ROBO2: variants seen among roughly 807,000 people sequenced by gnomAD.
The protein encoded by ROBO2 is roundabout homolog 2.
Under a neutral mutation model 160.8 loss-of-function variants are expected in ROBO2, and 53 were observed. The observed-to-expected ratio is 0.33, with a 90% CI of 0.26 to 0.41. The LOEUF (loss-of-function observed/expected upper bound fraction) is 0.41. Among genes scored for constraint, ROBO2 ranks in the 10% least tolerant of loss-of-function variants. ROBO2 has a pLI of 1.00. For synonymous variants in ROBO2, 664 were observed against 611.7 expected (o/e 1.09, Z -1.26); for missense variants, 1,577 against 1,722.4 (o/e 0.92, Z 1.49).
chr3:77,525,238 GTTT>G (rs144170880), intron 6 of ROBO2, among the ~76,000 whole-genome samples: 69,183 of 134,086 alleles, frequency 0.52, 17,020 homozygotes, highest in Middle Eastern at 0.62. Context: ...TCCACCTGCT[GTTT>G]TTTTTTTTTT....
At chr3:76,772,381 T>C (rs2061960015) in intron 2 of ROBO2, among the ~76,000 whole-genome samples, 1 of 150,342 alleles carries the variant, frequency 6.7e-6, no homozygotes, top group South Asian at 2.1e-4. Flanking sequence ...TTTATATGTA[T>C]ATAAATATAT....
chr3:76,043,762 A>G (rs2107778250), intron 2 of ROBO2, among the ~76,000 whole-genome samples: 1 of 151,994 alleles, frequency 6.6e-6, no homozygotes, highest in South Asian at 2.1e-4. Flanking sequence ...TTAATCCACA[A>G]TTATATTTTA....
At chr3:76,684,980 CAAA>C (rs5850283) in intron 2 of ROBO2, among the ~76,000 whole-genome samples, 2 of 151,086 alleles carry the variant, frequency 1.3e-5, no homozygotes, top group Admixed American at 1.3e-4. Flanking sequence ...AGTACAAATG[CAAA>C]AGTCTTTCCA....
chr3:76,362,398 A>T (rs904451833), intron 2 of ROBO2, among the ~76,000 whole-genome samples: 2 of 151,936 alleles, frequency 1.3e-5, no homozygotes, highest in Non-Finnish European at 2.9e-5. Flanking sequence ...TAGACACCTG[A>T]TTTTATTGAT....
At chr3:76,743,040 T>C (rs7618576) in intron 2 of ROBO2, among the ~76,000 whole-genome samples, 129,092 of 152,158 alleles carry the variant, frequency 0.85, 54,904 homozygotes, top group African/African-American at 0.89. Context: ...CAGACAGGCT[T>C]TCTGACATCA....
intron 2 of ROBO2, among the ~76,000 whole-genome samples, chr3:76,996,923 G>T (rs2061047185): frequency 6.6e-6 from 1 of 152,054 alleles, no homozygotes; most frequent in African/African-American, 2.4e-5. Context: ...ATATGTGTCT[G>T]CCAGTTTGTC....
intron 5 of ROBO2, among the ~76,000 whole-genome samples, chr3:77,507,303 A>T (rs1485078604): frequency 6.6e-6 from 1 of 152,186 alleles, no homozygotes; most frequent in African/African-American, 2.4e-5. Context: ...CATCCCTCTG[A>T]TAATGTAGTC....
intron 2 of ROBO2, among the ~76,000 whole-genome samples, chr3:76,513,505 A>T (rs2081202468): frequency 6.6e-6 from 1 of 152,120 alleles, no homozygotes; most frequent in Non-Finnish European, 1.5e-5. Context: ...ACAGGCTCAC[A>T]CCACCACGCC....
Position 76,728,259 on chromosome 3 carries a change from A to G in ROBO2, c.110-369755A>G, listed in dbSNP as rs139671525. ...CCCCTTGTTTTCCCCTACTAGTGTA[A>G]TTATTGGGTTGTGTTGTTACACCAA... is the stretch of plus-strand genomic sequence containing the variant. On this transcript the variant is annotated intron_variant, in intron 2 of 26. Transcript: ENST00000487694. Among the ~76,000 whole-genome samples, 678 of 152,280 alleles carry G rather than the reference A, an allele frequency of 4.5e-3. 5 individuals carry two copies. Among genetic ancestry groups the G allele is most frequent in the African/African-American group, 0.016 (649 of 41,554 alleles).
chr3:76,060,855 A>C (rs1450227174), intron 2 of ROBO2, among the ~76,000 whole-genome samples: 2 of 152,170 alleles, frequency 1.3e-5, no homozygotes, highest in African/African-American at 2.4e-5. Flanking sequence ...AGAATAAGAA[A>C]TCTCAAACTT....
intron 2 of ROBO2, among the ~76,000 whole-genome samples, chr3:76,261,828 A>G (rs1206184834): frequency 2.0e-5 from 3 of 152,134 alleles, no homozygotes; most frequent in Non-Finnish European, 4.4e-5. Flanking sequence ...TTTATATTTC[A>G]TAGTAGGTAG....
intron 2 of ROBO2, among the ~76,000 whole-genome samples, chr3:76,044,695 A>G (rs879849242): frequency 2.0e-5 from 3 of 152,032 alleles, no homozygotes; most frequent in Non-Finnish European, 4.4e-5. Context: ...AAGGTGACAG[A>G]AAAAACTCAT....
chr3:77,644,836 A>G (rs772629775), exon 25 of ROBO2: 1 of 1,614,126 alleles, frequency 6.2e-7, no homozygotes, highest in South Asian at 1.1e-5. Flanking sequence ...CACCAGCGCA[A>G]TGCCAGCGAC....
At chr3:76,256,136 T>C (rs937776690) in intron 2 of ROBO2, among the ~76,000 whole-genome samples, 1 of 151,476 alleles carries the variant, frequency 6.6e-6, no homozygotes, top group Non-Finnish European at 1.5e-5. Context: ...TCCTCTCTGA[T>C]AAAAATGAAA....
chr3:77,088,524 G>A (rs566819755), intron 1 of ROBO2, among the ~76,000 whole-genome samples: 1 of 152,230 alleles, frequency 6.6e-6, no homozygotes, highest in Admixed American at 6.5e-5. Context: ...GTAAGCATTA[G>A]CTATTTATTC....
intron 2 of ROBO2, among the ~76,000 whole-genome samples, chr3:77,171,002 C>T (rs1365829985): frequency 6.6e-6 from 1 of 151,982 alleles, no homozygotes; most frequent in African/African-American, 2.4e-5. Context: ...GTGGCTTCTG[C>T]CTTTAATGGA....
rs147475801 is a variant in ROBO2, at chr3:76,167,405, C to T, written c.109+229803C>T. On this transcript the variant is annotated intron_variant, in intron 2 of 26. Transcript: ENST00000487694. ...TTCTAAACCCAGAAGAGGAACCAGC[C>T]GTTCTGTTAAGCCTTCCCTTGACCA... is the stretch of plus-strand genomic sequence containing the variant. Among the ~76,000 whole-genome samples, 4 of 152,262 alleles carry T rather than the reference C, an allele frequency of 2.6e-5. No individual in the cohort carries two copies. The East Asian group carries it at 7.7e-4, about 29-fold the overall frequency.
intron 2 of ROBO2, among the ~76,000 whole-genome samples, chr3:76,876,927 A>G (rs2072796970): frequency 6.6e-6 from 1 of 152,166 alleles, no homozygotes; most frequent in African/African-American, 2.4e-5. Context: ...GCTTTCTGAT[A>G]TTCTAGAATG....
intron 2 of ROBO2, among the ~76,000 whole-genome samples, chr3:76,630,317 G>C (rs1428963615): frequency 6.6e-6 from 1 of 152,180 alleles, no homozygotes; most frequent in East Asian, 1.9e-4. Context: ...TTCCTGCCCT[G>C]AGCTTGTGCC....
Sources: gnomAD v4.1 joint callset for allele counts (sites outside exome capture counted in the v4.1 genomes callset) on GRCh38, gnomAD v4.1.1 for gene constraint, MANE v1.5 for transcripts, NCBI Gene and HGNC (gene_info 2026-07-23, HGNC 2026-07-21) for gene names.